Variants in SLC25A41 observed in about 807,000 individuals in gnomAD.
The protein encoded by SLC25A41 is mitochondrial carrier protein SCaMC-3L.
SLC25A41 carries 35 observed loss-of-function variants against 34.7 expected under a neutral mutation model. That is an observed-to-expected ratio of 1.01 (90% CI 0.77 to 1.34). The LOEUF is 1.34. SLC25A41 is among the 40% of genes most tolerant of loss of function. SLC25A41 has a pLI of 0.00. For synonymous variants in SLC25A41, 190 were observed against 209.9 expected (o/e 0.91, Z 0.82); for missense variants, 492 against 489.8 (o/e 1.00, Z -0.04).
rs775786950 is a variant in SLC25A41, at chr19:6,430,076, C to T, written c.449G>A (p.Arg150Gln). ...VQEGGFRSLW[R>Q]GNGINVLKIA... ...CTTGAGCACGTTGATGCCGTTGCCC[C>T]GCCACAGGGAGCGGAAGCCGCCCTC... The change falls in exon 3 of 7, where the codon CGG becomes CAG. Residue 150 changes from arginine to glutamine, a missense_variant. Arg to Gln is a conservative substitution (Grantham distance 43). Coordinates refer to ENST00000321510, the MANE Select transcript of SLC25A41 (RefSeq NM_173637.4). The T allele has an allele frequency of 8.1e-6, 13 of 1,613,226 alleles. No individual in the cohort carries two copies. The highest frequency in any genetic ancestry group is 5.5e-5 in the South Asian group (5 of 90,978).
At chr19:6,430,492 CTTTT>C (rs749613686) in intron 2 of SLC25A41, 302 of 356,836 alleles carry the variant, frequency 8.5e-4, no homozygotes, top group Middle Eastern at 1.9e-3. Flanking sequence ...TCCCTTCCTT[CTTTT>C]TTTTTTTTTT....
intron 1 of SLC25A41, among the ~76,000 whole-genome samples, chr19:6,433,151 C>A (rs1170985896): frequency 6.6e-6 from 1 of 151,756 alleles, no homozygotes; most frequent in Non-Finnish European, 1.5e-5. Context: ...TGAGTTCAAG[C>A]GATTCTCCTG....
chr19:6,428,872 C>A (rs1472382124), intron 4 of SLC25A41, among the ~76,000 whole-genome samples: 1 of 143,260 alleles, frequency 7.0e-6, no homozygotes, highest in African/African-American at 2.6e-5. Flanking sequence ...CGCCACCACA[C>A]CTGGCTGATT....
At position 6,430,090 on chromosome 19, in the gene SLC25A41, G is replaced by C; in HGVS notation, c.435C>G (p.Phe145Leu). Residue 145 changes from phenylalanine (F) to leucine (L), a missense_variant, in exon 3 of 7, where the codon TTC becomes TTG. Physicochemically the swap from Phe to Leu is conservative, Grantham distance 22 (BLOSUM62 0). Transcript: ENST00000321510. The part of the protein sequence containing the change: ...GLQSMVQEGG[F>L]RSLWRGNGIN... Reference sequence around the variant, plus strand: ...TGCCGTTGCCCCGCCACAGGGAGCGGAAGCCGCCCTCCTGGACCATGCTCT... The same window carrying C: ...TGCCGTTGCCCCGCCACAGGGAGCGCAAGCCGCCCTCCTGGACCATGCTCT... 1.9e-6 allele frequency: 3 copies of C among 1,613,526 alleles called. No individual in the cohort carries two copies. Among genetic ancestry groups the C allele is most frequent in the Non-Finnish European group, 2.5e-6 (3 of 1,179,716 alleles).
rs907337460 is a variant in SLC25A41, at chr19:6,426,460, G to A, written c.1042C>T (p.Leu348=). Reference sequence around the variant, plus strand: ...ATGCCACCTGCTGGTAAGACCTTCAGTAGCGTGGGGGTCATGCCTCGGTAC... The same window carrying A: ...ATGCCACCTGCTGGTAAGACCTTCAATAGCGTGGGGGTCATGCCTCGGTAC... ...GLYRGMTPTL[L]KVLPAGGISY... is the part of the protein sequence containing the mutation. Residue 348 remains leucine (L), a synonymous_variant, in exon 7 of 7, where the codon CTG becomes TTG. Coordinates refer to ENST00000321510, the MANE Select transcript of SLC25A41 (RefSeq NM_173637.4). The A allele has an allele frequency of 1.1e-5, 17 of 1,613,682 alleles. No homozygotes were observed. In the African/African-American group the frequency reaches 2.3e-4, roughly 22 times the overall value.
In SLC25A41 at chr19:6,427,493, C is replaced by T. The variant is rs371891539; in HGVS notation, c.633G>A (p.Lys211=). 3.0e-4 allele frequency: 467 copies of T among 1,537,192 alleles called. 4 individuals are homozygous for T. The highest frequency in any genetic ancestry group is 3.4e-4 in the Non-Finnish European group (391 of 1,135,694). Residue 211 remains lysine, a synonymous_variant, in exon 5 of 7, where the codon AAG becomes AAA. Transcript: ENST00000321510. The surrounding 1 kb of genome is among the most constrained non-coding windows in gnomAD (Gnocchi z 4.9). ...QTLINPMEVL[K]TRLTLRRTGQ... is the part of the protein sequence containing the mutation. The stretch of plus-strand genomic sequence containing the variant: ...CCGTCCGACGCAAGGTCAACCGCGT[C>T]TTCAGCACCTGAGGATGGCGGGGAA...
chr19:6,431,994 G>A lies in SLC25A41; in HGVS notation c.363+55C>T, dbSNP rs936509602. On this transcript the variant is annotated intron_variant, in intron 2 of 6. Coordinates refer to ENST00000321510, the MANE Select transcript of SLC25A41 (RefSeq NM_173637.4). ...TCAACTCCATCTGTCCTCACCCCAC[G>A]TTCTCCCCAGTGGCTCCAGCGCTGG... 29 of 1,565,376 alleles carry A rather than the reference G, an allele frequency of 1.9e-5. No homozygotes were observed. The East Asian group carries it at 2.0e-4, about 11-fold the overall frequency.
intron 4 of SLC25A41, among the ~76,000 whole-genome samples, chr19:6,429,169 A>G: frequency 1.5e-5 from 1 of 67,052 alleles, no homozygotes; most frequent in African/African-American, 6.9e-5. Context: ...TATATAATAT[A>G]TATATAATAT....
intron 4 of SLC25A41, among the ~76,000 whole-genome samples, chr19:6,429,379 A>G (rs2092270884): frequency 3.5e-5 from 1 of 28,494 alleles, no homozygotes. Flanking sequence ...GGAGAAAGGA[A>G]AGGAAGAGGG....
In SLC25A41 at chr19:6,427,087, C is replaced by A. The variant is rs747172731; in HGVS notation, c.940+16G>T. 1.1e-5 allele frequency: 18 copies of A among 1,587,372 alleles called. No individual in the cohort carries two copies. Among genetic ancestry groups the A allele is most frequent in the Non-Finnish European group, 1.5e-5 (17 of 1,167,978 alleles). ...GGGGAAGGGGCATGCGTGGTGGCCG[C>A]TGGGGACAGGCTGACCTTGGGCCTG... On this transcript the variant is annotated intron_variant, in intron 6 of 6. Transcript: ENST00000321510. The surrounding 1 kb of genome is among the most constrained non-coding windows in gnomAD (Gnocchi z 4.9).
rs576925526 is a variant in SLC25A41 at position 6,433,595 on chromosome 19, G to T, written c.99C>A (p.Pro33=). 7 of 1,611,278 alleles carry T rather than the reference G, an allele frequency of 4.3e-6. No individual in the cohort carries two copies. The highest frequency in any genetic ancestry group is 5.1e-6 in the Non-Finnish European group (6 of 1,177,850). ...AGGATGGGGGTGGAGGCGGAGGTTG[G>T]GGGGGAGGCGGGGCTTTGATGAGTA... is the stretch of plus-strand genomic sequence containing the variant. ...KTLLIKAPPP[P]QPPPPPPSWN... The change falls in exon 1 of 7, where the codon CCC becomes CCA. Residue 33 remains proline, a synonymous_variant. Coordinates refer to ENST00000321510, the MANE Select transcript of SLC25A41 (RefSeq NM_173637.4).
upstream of SLC25A41, among the ~76,000 whole-genome samples, chr19:6,435,216 CCT>C (rs1267879344): frequency 1.4e-5 from 2 of 143,220 alleles, no homozygotes; most frequent in Non-Finnish European, 3.0e-5. Flanking sequence ...AGAGCGAGAC[CCT>C]GTCTCAAAAA....
Position 6,427,107 on chromosome 19 carries a change from G to C in SLC25A41, c.936C>G (p.Ala312=). 6.2e-7 allele frequency: 1 copy of C among 1,600,594 alleles called. No individual in the cohort carries two copies. The highest frequency in any genetic ancestry group is 8.5e-7 in the Non-Finnish European group (1 of 1,174,554). ...PLTLVRTRMQ[A]QDTVEGSNPT... is the part of the protein sequence containing the mutation. ...GGCCGCTGGGGACAGGCTGACCTTG[G>C]GCCTGCATCCTGGTGCGCACCAGAG... The change falls in exon 6 of 7, where the codon GCC becomes GCG. Residue 312 remains alanine, a synonymous_variant. Coordinates refer to ENST00000321510, the MANE Select transcript of SLC25A41 (RefSeq NM_173637.4). This position sits in a 1 kb window ranked among gnomAD's most constrained non-coding sequence, Gnocchi z 4.9.
At chr19:6,435,029 C>A (rs979696558), upstream of SLC25A41, among the ~76,000 whole-genome samples, 2 of 151,598 alleles carry the variant, frequency 1.3e-5, no homozygotes, top group Non-Finnish European at 2.9e-5. Context: ...TCAAGACCAC[C>A]CTGGGCAACA....
At chr19:6,429,309 G>T (rs1036301634) in intron 4 of SLC25A41, among the ~76,000 whole-genome samples, 3 of 84,334 alleles carry the variant, frequency 3.6e-5, no homozygotes, top group Non-Finnish European at 7.9e-5. Flanking sequence ...AGGAGGAGGA[G>T]ATTGGAGAGG....
In SLC25A41 at chr19:6,433,517, G is replaced by A. The variant is rs2145149785; in HGVS notation, c.177C>T (p.Asp59=). ...GTGACGGGAGATGTTCAAGGTTGTTGTCATGCATGTGGCCAAACGCGTACC... is the reference window on the plus strand; with the variant it reads ...GTGACGGGAGATGTTCAAGGTTGTTATCATGCATGTGGCCAAACGCGTACC... ...VYGYAFGHMH[D]NNLEHLPSQQ... Residue 59 remains aspartate, a synonymous_variant, in exon 1 of 7, where the codon GAC becomes GAT. Coordinates refer to ENST00000321510, the MANE Select transcript of SLC25A41 (RefSeq NM_173637.4). 1 of 1,612,956 alleles carries A rather than the reference G, an allele frequency of 6.2e-7. No individual in the cohort carries two copies. The highest frequency in any genetic ancestry group is 8.5e-7 in the Non-Finnish European group (1 of 1,179,784).
rs113229271 is a variant in SLC25A41, at chr19:6,433,599, G to T, written c.95C>A (p.Pro32His). The T allele has an allele frequency of 6.2e-7, 1 of 1,611,162 alleles. No individual in the cohort carries two copies. Residue 32 changes from proline to histidine, a missense_variant, in exon 1 of 7, where the codon CCC becomes CAC. Transcript: ENST00000321510. ...TGGGGGTGGAGGCGGAGGTTGGGGG[G>T]GAGGCGGGGCTTTGATGAGTAAGGT... ...VKTLLIKAPP[P>H]PQPPPPPPSW...
intron 1 of SLC25A41, 59 bp from the exon 2 acceptor site, chr19:6,432,263 C>A: frequency 6.4e-7 from 1 of 1,572,870 alleles, no homozygotes; most frequent in South Asian, 1.2e-5. Context: ...CTTCCCCAGA[C>A]ACACATCTAG....
Position 6,431,365 on chromosome 19 carries a change from C to T in SLC25A41, c.363+684G>A, listed in dbSNP as rs189941671. 6.6e-5 allele frequency among the ~76,000 whole-genome samples: 10 copies of T among 152,186 alleles called. No homozygotes were observed. The East Asian group carries it at 9.7e-4, about 15-fold the overall frequency. On this transcript the variant is annotated intron_variant, in intron 2 of 6. Transcript: ENST00000321510. ...CTGGGCTCAAGCAATCCTCCTGCCT[C>T]AGCCTCCTGAGCAGCTGAGACTATG...
Sources: gnomAD v4.1 joint callset for allele counts (sites outside exome capture counted in the v4.1 genomes callset) on GRCh38, gnomAD v4.1.1 for gene constraint, Gnocchi (gnomAD v3.1) non-coding constraint, MANE v1.5 for transcripts, NCBI Gene and HGNC (gene_info 2026-07-23, HGNC 2026-07-21) for gene names.